Variants in ZNF343 observed in about 807,000 individuals in gnomAD.
ZNF343 encodes zinc finger protein 343.
ZNF343 carries 11 observed loss-of-function variants against 13.8 expected under a neutral mutation model. The ratio of observed to expected loss-of-function variants is 0.80; its 90% CI spans 0.50 to 1.32. The LOEUF (loss-of-function observed/expected upper bound fraction) is 1.32, where lower values mean the gene tolerates loss of function less well. Among genes scored for constraint, ZNF343 ranks in the 40% most tolerant of loss-of-function variants. The probability of loss-of-function intolerance (pLI) is 0.00; values close to 1 mark genes in which losing one functional copy is unlikely to be tolerated. For missense variants in ZNF343, 658 were observed against 714.2 expected (o/e 0.92, Z 0.90); for synonymous variants, 248 against 260.0 (o/e 0.95, Z 0.44).
At position 2,484,567 on chromosome 20, in the gene ZNF343, A is replaced by G. The variant is rs150915057; in HGVS notation, c.394T>C (p.Phe132Leu). 6.0e-5 allele frequency: 97 copies of G among 1,614,192 alleles called. No homozygotes were observed. Among genetic ancestry groups the G allele is most frequent in the Admixed American group, 8.3e-5 (5 of 60,024 alleles). The change falls in exon 6 of 6, where the codon TTC becomes CTC. Residue 132 changes from phenylalanine (F) to leucine (L), a missense_variant. Physicochemically the swap from Phe to Leu is conservative, Grantham distance 22. Coordinates refer to ENST00000278772, the MANE Select transcript of ZNF343 (RefSeq NM_024325.6). ...QFLSQHVLQI[F>L]LGLCAENHFH... ...TGATTTTCTGCACATAAGCCCAGGA[A>G]GATCTGAAGTACATGTTGACTGAGG...
chr20:2,494,838 C>T (rs2122626434), intron 2 of ZNF343, among the ~76,000 whole-genome samples: 1 of 152,148 alleles, frequency 6.6e-6, no homozygotes, highest in Non-Finnish European at 1.5e-5. Context: ...CTCAGTCCTT[C>T]TTAGTTAAGG....
At chr20:2,514,921 G>A (rs981320966) in intron 1 of ZNF343, among the ~76,000 whole-genome samples, 2 of 151,828 alleles carry the variant, frequency 1.3e-5, no homozygotes, top group South Asian at 4.2e-4. Flanking sequence ...CTCAGGAGGC[G>A]GAGGTTGCAG....
chr20:2,490,093 GT>G (rs998793780), intron 5 of ZNF343, among the ~76,000 whole-genome samples: 21 of 152,258 alleles, frequency 1.4e-4, no homozygotes, highest in Admixed American at 3.9e-4. Flanking sequence ...AGAGAGACTG[GT>G]TTAGGAGGAA....
upstream of ZNF343, among the ~76,000 whole-genome samples, chr20:2,510,959 T>C (rs2122748112): frequency 6.6e-6 from 1 of 152,284 alleles, no homozygotes; most frequent in South Asian, 2.1e-4. Flanking sequence ...GAGTGTGGGT[T>C]CTCATTGTCC....
intron 3 of ZNF343, 49 bp from the exon 4 acceptor site, chr20:2,493,626 A>G (rs1324175211): frequency 2.8e-6 from 2 of 706,768 alleles, no homozygotes; most frequent in Non-Finnish European, 4.2e-6. Flanking sequence ...CCCACCCCCC[A>G]CCCCCCACCA....
At chr20:2,497,090 AT>A (rs34462981) in intron 2 of ZNF343, among the ~76,000 whole-genome samples, 14 of 151,778 alleles carry the variant, frequency 9.2e-5, no homozygotes, top group African/African-American at 3.4e-4. Context: ...AAAAAAAAAA[AT>A]TTTACCATCA....
In ZNF343 at chr20:2,484,243, C is replaced by T. The variant is rs2085243101; in HGVS notation, c.718G>A (p.Ala240Thr). The T allele has an allele frequency of 6.2e-7, 1 of 1,614,094 alleles. No homozygotes were observed. The highest frequency in any genetic ancestry group is 1.7e-5 in the Admixed American group (1 of 60,004). The change falls in exon 6 of 6, where the codon GCA becomes ACA. Residue 240 changes from alanine to threonine, a missense_variant. Physicochemically the swap from Ala to Thr is moderately conservative, Grantham distance 58. Coordinates refer to ENST00000278772, the MANE Select transcript of ZNF343 (RefSeq NM_024325.6). The stretch of plus-strand genomic sequence containing the variant: ...GGTTCATACTCTCTACAGTTGATTG[C>T]TCCAAATCTCAAGGTTTCTAATTCC... ...LKELETLRFG[A>T]INCREYEPDH...
At chr20:2,503,821 G>A (rs2085609940) in intron 1 of ZNF343, among the ~76,000 whole-genome samples, 1 of 151,876 alleles carries the variant, frequency 6.6e-6, no homozygotes, top group African/African-American at 2.4e-5. Flanking sequence ...TGTGTAGAGG[G>A]AAATTTATAG....
intron 1 of ZNF343, among the ~76,000 whole-genome samples, chr20:2,503,400 C>T (rs2085603126): frequency 1.3e-5 from 2 of 152,132 alleles, no homozygotes; most frequent in Non-Finnish European, 2.9e-5. Context: ...GACAGATCAA[C>T]AAGACAGAAA....
chr20:2,516,793 G>A (rs959385014), intron 1 of ZNF343, among the ~76,000 whole-genome samples: 1 of 152,056 alleles, frequency 6.6e-6, no homozygotes, highest in Non-Finnish European at 1.5e-5. Flanking sequence ...TGGGATAAGG[G>A]TTATGATCAC....
upstream of ZNF343, among the ~76,000 whole-genome samples, chr20:2,509,618 G>GT (rs1455642784): frequency 6.6e-6 from 1 of 152,168 alleles, no homozygotes; most frequent in Non-Finnish European, 1.5e-5. Flanking sequence ...TGGGATTCCT[G>GT]TAACCCCGAG....
intron 5 of ZNF343, among the ~76,000 whole-genome samples, chr20:2,485,765 C>T (rs891878906): frequency 2.6e-5 from 4 of 152,154 alleles, no homozygotes; most frequent in Admixed American, 2.0e-4. Context: ...CCTTTGGTTG[C>T]TCTGACAAGG....
chr20:2,516,180 G>A (rs986418986), intron 1 of ZNF343, among the ~76,000 whole-genome samples: 1 of 152,090 alleles, frequency 6.6e-6, no homozygotes, highest in African/African-American at 2.4e-5. Context: ...GAGGATGAGA[G>A]TCGGGGTCAC....
At chr20:2,501,367 G>A (rs1023242385) in intron 1 of ZNF343, among the ~76,000 whole-genome samples, 1 of 152,216 alleles carries the variant, frequency 6.6e-6, no homozygotes, top group Non-Finnish European at 1.5e-5. Flanking sequence ...GCCTGCCTCT[G>A]TAGACTCCAC....
intron 2 of ZNF343, among the ~76,000 whole-genome samples, chr20:2,499,108 A>T (rs180953322): frequency 1.4e-5 from 2 of 145,836 alleles, no homozygotes; most frequent in African/African-American, 5.0e-5. Context: ...TACAGGCGTG[A>T]GCCACCGCAT....
chr20:2,514,811 A>G (rs1485136828), intron 1 of ZNF343, among the ~76,000 whole-genome samples: 1 of 152,034 alleles, frequency 6.6e-6, no homozygotes, highest in Non-Finnish European at 1.5e-5. Flanking sequence ...GCGAAACCCC[A>G]TCTCTACTAA....
At position 2,482,990 on chromosome 20, in the gene ZNF343, C is replaced by G. The variant is rs2085191173; in HGVS notation, c.*171G>C. The G allele has an allele frequency of 1.3e-6, 1 of 766,554 alleles. No individual in the cohort carries two copies. Among genetic ancestry groups the G allele is most frequent in the African/African-American group, 1.8e-5 (1 of 56,770 alleles). The allele number at this position is 766,554 out of a possible 1,614,324, so 47.5% of individuals were successfully genotyped here. A position where few individuals can be genotyped will look rare whatever the true frequency, so the allele number is the denominator to read the frequency against. ...CCCGTACTCTATACTCATAAGGCTC[C>G]TCTCCTGAACGTGTCCCTCCCATGC... On this transcript the variant is annotated 3_prime_UTR_variant, in exon 6 of 6. Coordinates refer to ENST00000278772, the MANE Select transcript of ZNF343 (RefSeq NM_024325.6).
intron 5 of ZNF343, among the ~76,000 whole-genome samples, chr20:2,487,381 A>G (rs934965479): frequency 1.3e-5 from 2 of 152,206 alleles, no homozygotes; most frequent in Non-Finnish European, 2.9e-5. Context: ...TGGTTTATTA[A>G]CCCTGTATTA....
intron 1 of ZNF343, among the ~76,000 whole-genome samples, chr20:2,506,530 G>C (rs1285283955): frequency 1.3e-5 from 2 of 152,020 alleles, no homozygotes; most frequent in Non-Finnish European, 1.5e-5. Context: ...CAATAGCAAA[G>C]ACTTGGAACC....
Sources: gnomAD v4.1 joint callset for allele counts (sites outside exome capture counted in the v4.1 genomes callset) on GRCh38, gnomAD v4.1.1 for gene constraint, MANE v1.5 for transcripts, NCBI Gene and HGNC (gene_info 2026-07-23, HGNC 2026-07-21) for gene names.